MGAT4C: variants seen among roughly 807,000 people sequenced by gnomAD.
MGAT4C encodes MGAT4 family member C, also known as alpha-1,3-mannosyl-glycoprotein 4-beta-N-acetylglucosaminyltransferase C.
A neutral mutation model predicts 40.1 loss-of-function variants in MGAT4C; 19 were observed. The ratio of observed to expected loss-of-function variants is 0.47; its 90% CI spans 0.33 to 0.70. The LOEUF (loss-of-function observed/expected upper bound fraction) is 0.70, where lower values mean the gene tolerates loss of function less well. Among genes scored for constraint, MGAT4C ranks in the 30% least tolerant of loss-of-function variants. The probability of loss-of-function intolerance (pLI) is 0.02; values close to 1 mark genes in which losing one functional copy is unlikely to be tolerated. For synonymous variants in MGAT4C, 181 were observed against 187.1 expected (o/e 0.97, Z 0.27); for missense variants, 491 against 563.2 (o/e 0.87, Z 1.30).
intron 1 of MGAT4C, among the ~76,000 whole-genome samples, chr12:86,247,961 C>A (rs1952102872): frequency 6.6e-6 from 1 of 151,962 alleles, no homozygotes; most frequent in Non-Finnish European, 1.5e-5. Context: ...ACCCTCAGCA[C>A]CATCTTTTCC....
intron 1 of MGAT4C, among the ~76,000 whole-genome samples, chr12:86,203,043 TG>T (rs1566138806): frequency 6.6e-5 from 10 of 151,792 alleles, no homozygotes; most frequent in East Asian, 5.8e-4. Flanking sequence ...TGTGTGTGTG[TG>T]TGTGTGTGTG....
intron 1 of MGAT4C, 51 bp from the exon 2 acceptor site, chr12:86,049,774 T>C: frequency 1.4e-6 from 1 of 695,498 alleles, no homozygotes. Flanking sequence ...GGTTTCTTGC[T>C]GATAAAAGTA....
At chr12:86,468,609 T>A (rs1957715466) in intron 2 of MGAT4C, among the ~76,000 whole-genome samples, 2 of 152,128 alleles carry the variant, frequency 1.3e-5, no homozygotes, top group African/African-American at 4.8e-5. Flanking sequence ...AGTCTAAAGC[T>A]TTTAAATAGC....
intron 3 of MGAT4C, among the ~76,000 whole-genome samples, chr12:86,400,712 T>A (rs973700260): frequency 1.3e-5 from 2 of 152,214 alleles, no homozygotes; most frequent in African/African-American, 2.4e-5. Flanking sequence ...TCAATTAATA[T>A]GAAGATGTTT....
intron 1 of MGAT4C, among the ~76,000 whole-genome samples, chr12:86,100,460 C>T (rs1874764828): frequency 6.6e-6 from 1 of 151,216 alleles, no homozygotes; most frequent in African/African-American, 2.4e-5. Context: ...TTTTTACAGG[C>T]TAATTCCAAA....
chr12:86,227,949 T>C (rs967201330), intron 1 of MGAT4C, among the ~76,000 whole-genome samples: 1 of 151,960 alleles, frequency 6.6e-6, no homozygotes, highest in Non-Finnish European at 1.5e-5. Flanking sequence ...TTCTGAATCA[T>C]GGCTTTTTAA....
chr12:86,573,473 C>T (rs1163620267), intron 2 of MGAT4C, among the ~76,000 whole-genome samples: 3 of 152,144 alleles, frequency 2.0e-5, no homozygotes, highest in Non-Finnish European at 2.9e-5. Flanking sequence ...AACTCCCACA[C>T]ATTCAAAACA....
intron 2 of MGAT4C, among the ~76,000 whole-genome samples, chr12:86,614,501 A>T (rs1962385555): frequency 6.6e-6 from 1 of 152,164 alleles, no homozygotes; most frequent in Non-Finnish European, 1.5e-5. Flanking sequence ...TATATCATTT[A>T]GTTTACAATT....
intron 4 of MGAT4C, among the ~76,000 whole-genome samples, chr12:86,314,591 A>T (rs979227105): frequency 4.6e-5 from 7 of 152,252 alleles, no homozygotes; most frequent in African/African-American, 1.7e-4. Context: ...GGACTTCAGT[A>T]AAGTTTTAGG....
At chr12:86,296,554 A>G (rs1592662680) in intron 4 of MGAT4C, among the ~76,000 whole-genome samples, 1 of 152,318 alleles carries the variant, frequency 6.6e-6, no homozygotes, top group African/African-American at 2.4e-5. Flanking sequence ...CCCGGTGGGA[A>G]GGCAGCTAAG....
chr12:86,365,103 C>T (rs979842867), intron 3 of MGAT4C, among the ~76,000 whole-genome samples: 7 of 152,090 alleles, frequency 4.6e-5, no homozygotes, highest in Non-Finnish European at 2.9e-5. Flanking sequence ...AAGACGGCCG[C>T]CCCCTGAAGT....
At chr12:86,795,254 A>C (rs1285108365) in intron 1 of MGAT4C, among the ~76,000 whole-genome samples, 3 of 151,954 alleles carry the variant, frequency 2.0e-5, no homozygotes, top group Non-Finnish European at 2.9e-5. Flanking sequence ...GAGAAATAAC[A>C]ATTTTGTCCC....
At chr12:86,194,869 T>C (rs1165524068) in intron 1 of MGAT4C, among the ~76,000 whole-genome samples, 1 of 152,218 alleles carries the variant, frequency 6.6e-6, no homozygotes, top group East Asian at 1.9e-4. Flanking sequence ...GTTGAAAGCC[T>C]GAAGTGTTTA....
chr12:86,249,974 G>C (rs889545721), intron 1 of MGAT4C, among the ~76,000 whole-genome samples: 1 of 152,038 alleles, frequency 6.6e-6, no homozygotes, highest in Non-Finnish European at 1.5e-5. Flanking sequence ...TTCCAACTTT[G>C]TGTTGGTCAC....
chr12:86,774,703 T>A (rs1951723450), intron 1 of MGAT4C, among the ~76,000 whole-genome samples: 2 of 152,180 alleles, frequency 1.3e-5, no homozygotes, highest in South Asian at 4.1e-4. Flanking sequence ...TTTATTACTA[T>A]AAAAGATTTT....
intron 1 of MGAT4C, among the ~76,000 whole-genome samples, chr12:86,758,537 A>G (rs1039856693): frequency 1.3e-5 from 2 of 152,104 alleles, no homozygotes; most frequent in African/African-American, 4.8e-5. Context: ...CCCTTTATAG[A>G]TAAGAAAACT....
chr12:86,641,480 T>C (rs1166847027), intron 2 of MGAT4C, among the ~76,000 whole-genome samples: 1 of 151,634 alleles, frequency 6.6e-6, no homozygotes, highest in Non-Finnish European at 1.5e-5. Context: ...GTAACTAATC[T>C]GCACATTGTG....
At chr12:86,567,601 A>G (rs1960187664) in intron 2 of MGAT4C, among the ~76,000 whole-genome samples, 1 of 152,164 alleles carries the variant, frequency 6.6e-6, no homozygotes. Flanking sequence ...AGGCAGGACT[A>G]CAGATGACCC....
chr12:86,226,118 GAAAA>G (rs200150643), intron 1 of MGAT4C, among the ~76,000 whole-genome samples: 1 of 145,304 alleles, frequency 6.9e-6, no homozygotes, highest in Non-Finnish European at 1.5e-5. Context: ...ATATCAACAT[GAAAA>G]AAAAAAACAT....
Sources: gnomAD v4.1 joint callset for allele counts (sites outside exome capture counted in the v4.1 genomes callset) on GRCh38, gnomAD v4.1.1 for gene constraint, MANE v1.5 for transcripts, NCBI Gene and HGNC (gene_info 2026-07-23, HGNC 2026-07-21) for gene names.